The following ITSN2 variants were observed in gnomAD, a reference collection of about 807,000 sequenced individuals.
ITSN2 encodes intersectin-2.
Under a neutral mutation model 243.7 loss-of-function variants are expected in ITSN2, and 156 were observed. That is an observed-to-expected ratio of 0.64 (90% CI 0.56 to 0.73). The LOEUF (loss-of-function observed/expected upper bound fraction) is 0.73. Ranked by LOEUF, ITSN2 falls within the 30% of genes least tolerant of loss-of-function variation. The pLI is 0.00. For synonymous variants in ITSN2, 703 were observed against 699.9 expected, an observed-to-expected ratio of 1.00 and a Z score of -0.07; for missense variants, 1,801 against 1,996.1, an observed-to-expected ratio of 0.90 and a Z score of 1.86.
At chr2:24,257,135 C>T (rs1455637915) in intron 23 of ITSN2, among the ~76,000 whole-genome samples, 1 of 152,006 alleles carries the variant, frequency 6.6e-6, no homozygotes, top group Admixed American at 6.6e-5. Context: ...CCTGGGGTAA[C>T]ACAGCAAAAC....
At chr2:24,221,313 T>C (rs183358655) in intron 29 of ITSN2, 55 of 449,836 alleles carry the variant, frequency 1.2e-4, no homozygotes, top group Non-Finnish European at 1.3e-4. Context: ...TCCTAATTTC[T>C]TTTCAGAACT....
intron 22 of ITSN2, 67 bp from the exon 23 acceptor site, chr2:24,258,160 T>C (rs1675309877): frequency 2.6e-6 from 3 of 1,149,752 alleles, no homozygotes; most frequent in Non-Finnish European, 3.9e-6. Flanking sequence ...TTTCTGTGTA[T>C]ATAACATACT....
At chr2:24,325,902 G>C (rs2702045) in intron 2 of ITSN2, among the ~76,000 whole-genome samples, 1 of 152,176 alleles carries the variant, frequency 6.6e-6, no homozygotes, top group Non-Finnish European at 1.5e-5. Context: ...GTCTCATCTC[G>C]GTTTTTACAC....
chr2:24,205,146 CAA>C, intron 38 of ITSN2, 66 bp downstream of exon 38: 1 of 1,368,846 alleles, frequency 7.3e-7, no homozygotes, highest in Non-Finnish European at 1.0e-6. Flanking sequence ...GACTCTGTCT[CAA>C]AAAGTCATCA....
chr2:24,296,624 C>T (rs1272393417), intron 13 of ITSN2, among the ~76,000 whole-genome samples: 1 of 152,140 alleles, frequency 6.6e-6, no homozygotes. Context: ...CACCTGCAAG[C>T]CACCAAAAGA....
intron 29 of ITSN2, among the ~76,000 whole-genome samples, chr2:24,238,166 C>G (rs1425678621): frequency 6.6e-6 from 1 of 152,126 alleles, no homozygotes; most frequent in East Asian, 1.9e-4. Flanking sequence ...CTCTGTAGTC[C>G]TTAAGTGCCT....
In ITSN2 at chr2:24,281,762, C is replaced by T. The variant is rs543104837; in HGVS notation, c.1944+3001G>A. Reference sequence around the variant, plus strand: ...TATTTCTCTCCTGAAACTTCCTAATCTTCCATCCATTCTCCTCACTACCAG... The same window carrying T: ...TATTTCTCTCCTGAAACTTCCTAATTTTCCATCCATTCTCCTCACTACCAG... On this transcript the variant is annotated intron_variant, in intron 17 of 39. Coordinates refer to ENST00000355123, the MANE Select transcript of ITSN2 (RefSeq NM_006277.3). 2.0e-5 allele frequency among the ~76,000 whole-genome samples: 3 copies of T among 152,342 alleles called. No individual in the cohort carries two copies. The South Asian group carries it at 6.2e-4, about 32-fold the overall frequency.
Position 24,298,762 on chromosome 2 carries a change from C to A in ITSN2, c.1397G>T (p.Arg466Leu). The A allele has an allele frequency of 6.2e-7, 1 of 1,612,256 alleles. No homozygotes were observed. Among genetic ancestry groups the A allele is most frequent in the Non-Finnish European group, 8.5e-7 (1 of 1,179,218 alleles). ...CTTTTGATTGAGAAGCTCCTGTCGC[C>A]GAATTCTCTCCCATTCTAAGCGACG... ...RQRRLEWERI[R>L]RQELLNQKNR... Residue 466 changes from arginine to leucine, a missense_variant, in exon 13 of 40, where the codon CGG becomes CTG. By Grantham distance (102) the Arg-to-Leu change is moderately radical. Transcript: ENST00000355123.
intron 22 of ITSN2, among the ~76,000 whole-genome samples, chr2:24,258,817 TAATAATAACA>T (rs1223157359): frequency 6.6e-6 from 1 of 152,174 alleles, no homozygotes; most frequent in Non-Finnish European, 1.5e-5. Flanking sequence ...ACAAGGTTAT[TAATAATAACA>T]TCAAAGCCAA....
At chr2:24,261,833 T>C (rs1455315584) in intron 20 of ITSN2, 91 bp from the exon 21 acceptor site, 9 of 960,658 alleles carry the variant, frequency 9.4e-6, no homozygotes, top group Non-Finnish European at 1.2e-5. Context: ...TATTCTCATT[T>C]TCAGAATTAA....
chr2:24,295,271 T>C (rs766899917), intron 14 of ITSN2, among the ~76,000 whole-genome samples: 7 of 152,320 alleles, frequency 4.6e-5, no homozygotes, highest in South Asian at 4.1e-4. Context: ...CTCAAGGTTA[T>C]TGACCCCCAA....
Position 24,294,046 on chromosome 2 carries a change from A to T in ITSN2, c.1636-271T>A, listed in dbSNP as rs79324031. Among the ~76,000 whole-genome samples the T allele has an allele frequency of 1.9e-3, 288 of 152,342 alleles. 2 individuals are homozygous for T. The highest frequency in any genetic ancestry group is 6.9e-3 in the African/African-American group (286 of 41,582). ...GTGTGTCTAGAAGCCTACAATTTTC[A>T]GCTTACTGATGAATGACAGCAGACC... On this transcript the variant is annotated intron_variant, in intron 14 of 39. Coordinates refer to ENST00000355123, the MANE Select transcript of ITSN2 (RefSeq NM_006277.3).
chr2:24,359,364 A>C (rs1688740636), intron 1 of ITSN2, among the ~76,000 whole-genome samples: 1 of 152,216 alleles, frequency 6.6e-6, no homozygotes, highest in Non-Finnish European at 1.5e-5. Context: ...GCAAGCAAAC[A>C]CTAGTGAGAC....
chr2:24,206,830 C>T (rs778278798), intron 37 of ITSN2, among the ~76,000 whole-genome samples: 2 of 152,008 alleles, frequency 1.3e-5, no homozygotes, highest in African/African-American at 2.4e-5. Context: ...CTCAGGACAG[C>T]GGGGGGTCCA....
chr2:24,328,085 T>A lies in ITSN2; in HGVS notation c.-3A>T. On this transcript the variant is annotated 5_prime_UTR_variant, in exon 2 of 40. Coordinates refer to ENST00000355123, the MANE Select transcript of ITSN2 (RefSeq NM_006277.3). Reference sequence around the variant, plus strand: ...GCTGTGGGAAACTGAGCCATCATGGTCCTGAGTTTTCCTTGCTAGCTCTCA... The same window carrying A: ...GCTGTGGGAAACTGAGCCATCATGGACCTGAGTTTTCCTTGCTAGCTCTCA... The A allele has an allele frequency of 6.2e-7, 1 of 1,613,750 alleles. No individual in the cohort carries two copies. Among genetic ancestry groups the A allele is most frequent in the Non-Finnish European group, 8.5e-7 (1 of 1,179,830 alleles).
chr2:24,334,790 G>A lies in ITSN2; in HGVS notation c.-33-6675C>T, dbSNP rs113211713. The stretch of plus-strand genomic sequence containing the variant: ...TAAAAGATGCAAGCATTGGCCGGGC[G>A]CGGTGGCTCACGCCTGTAATCCCAG... On this transcript the variant is annotated intron_variant, in intron 1 of 39. Transcript: ENST00000355123. 2.9e-5 allele frequency: 41 copies of A among 1,425,636 alleles called. No homozygotes were observed. In the Admixed American group the frequency reaches 3.9e-4, roughly 14 times the overall value. 88.3% of individuals were successfully genotyped at this position (1,425,636 alleles called of 1,614,324 possible).
At chr2:24,299,788 G>C in intron 12 of ITSN2, 121 bp downstream of exon 12, 1 of 784,084 alleles carries the variant, frequency 1.3e-6, no homozygotes, top group Non-Finnish European at 2.0e-6. Context: ...GGGTAAGAAT[G>C]AAATGATGCA....
chr2:24,223,399 GA>G (rs1670664646), intron 29 of ITSN2, among the ~76,000 whole-genome samples: 1 of 152,138 alleles, frequency 6.6e-6, no homozygotes, highest in African/African-American at 2.4e-5. Context: ...TTTCTAAAAA[GA>G]AATCATAGAC....
intron 20 of ITSN2, among the ~76,000 whole-genome samples, chr2:24,267,418 T>TCA (rs1676797858): frequency 6.7e-6 from 1 of 149,954 alleles, no homozygotes; most frequent in Non-Finnish European, 1.5e-5. Context: ...AGGAAAGGAA[T>TCA]CACCGTAAGC....
Sources: allele counts gnomAD v4.1 joint callset (sites outside exome capture counted in the v4.1 genomes callset), GRCh38; gene constraint gnomAD v4.1.1; transcripts MANE v1.5; gene names NCBI Gene and HGNC (gene_info 2026-07-23, HGNC 2026-07-21).